The following ADARB2 variants were observed in gnomAD, a reference collection of about 807,000 sequenced individuals.
The protein encoded by ADARB2 is adenosine deaminase RNA specific B2 (inactive).
ADARB2 carries 25 observed loss-of-function variants against 62.2 expected under a neutral mutation model. The ratio of observed to expected loss-of-function variants is 0.40; its 90% confidence interval spans 0.29 to 0.56. The LOEUF is 0.56. Ranked by LOEUF, ADARB2 falls within the 20% of genes least tolerant of loss-of-function variation. The pLI is 0.43. For synonymous variants in ADARB2, 572 were observed against 500.8 expected, an observed-to-expected ratio of 1.14 and a Z score of -1.90; for missense variants, 1,071 against 1,077.4, an observed-to-expected ratio of 0.99 and a Z score of 0.08.
chr10:1,546,362 C>T (rs1026161086), intron 1 of ADARB2, among the ~76,000 whole-genome samples: 10 of 152,180 alleles, frequency 6.6e-5, no homozygotes, highest in South Asian at 2.1e-4. Flanking sequence ...ACTTACAGAC[C>T]GGCCTCCACG....
At chr10:1,191,002 G>T (rs746410987) in intron 8 of ADARB2, among the ~76,000 whole-genome samples, 8 of 150,636 alleles carry the variant, frequency 5.3e-5, no homozygotes, top group Non-Finnish European at 8.8e-5. Context: ...CAGAACAGGG[G>T]TTTGCACGCT....
chr10:1,709,200 C>G (rs148482800), intron 1 of ADARB2, among the ~76,000 whole-genome samples: 15 of 152,302 alleles, frequency 9.8e-5, no homozygotes, highest in African/African-American at 3.1e-4. Context: ...AGTGTTTGTG[C>G]TAAGTCTCTT....
At position 1,363,126 on chromosome 10, in the gene ADARB2, C is replaced by T; in HGVS notation, c.979G>A (p.Ala327Thr). The T allele has an allele frequency of 6.5e-7, 1 of 1,545,766 alleles. No homozygotes were observed. The highest frequency in any genetic ancestry group is 8.7e-7 in the Non-Finnish European group (1 of 1,155,210). The change falls in exon 3 of 10, where the codon GCC becomes ACC. Residue 327 changes from alanine to threonine, a missense_variant. Physicochemically the swap from Ala to Thr is moderately conservative, Grantham distance 58. Transcript: ENST00000381312. ...GCGGCCTGCGCGGCCTGACCCCGGG[C>T]CAGCTTCTTGCTGCGCCCCGAGCCC... ...FEGSGRSKKL[A>T]RGQAAQAALQ...
chr10:1,585,966 G>A (rs2676195), intron 1 of ADARB2, among the ~76,000 whole-genome samples: 150,138 of 152,136 alleles, frequency 0.99, 74,108 homozygotes, highest in Middle Eastern at 1. Context: ...CCTGGGAGGC[G>A]GAGCTTGCAG....
intron 8 of ADARB2, among the ~76,000 whole-genome samples, chr10:1,193,660 G>C (rs1156427214): frequency 6.6e-6 from 1 of 152,194 alleles, no homozygotes; most frequent in Non-Finnish European, 1.5e-5. Context: ...GTTAGACTCT[G>C]TCAGTGTTTG....
intron 1 of ADARB2, among the ~76,000 whole-genome samples, chr10:1,585,566 C>T (rs533223901): frequency 7.2e-5 from 11 of 152,294 alleles, no homozygotes; most frequent in Admixed American, 3.9e-4. Context: ...CCAAGGCTTA[C>T]GTGATGATTC....
At chr10:1,580,826 T>C (rs1833088374) in intron 1 of ADARB2, among the ~76,000 whole-genome samples, 1 of 152,252 alleles carries the variant, frequency 6.6e-6, no homozygotes, top group South Asian at 2.1e-4. Context: ...TTTCAGAATA[T>C]ACACCTTATA....
At chr10:1,209,440 C>G (rs1837115738) in intron 7 of ADARB2, among the ~76,000 whole-genome samples, 1 of 149,724 alleles carries the variant, frequency 6.7e-6, no homozygotes, top group Non-Finnish European at 1.5e-5. Flanking sequence ...CCCACACCTA[C>G]AGCCTGGCCC....
intron 1 of ADARB2, among the ~76,000 whole-genome samples, chr10:1,517,866 G>C (rs967133415): frequency 2.0e-5 from 3 of 152,164 alleles, no homozygotes; most frequent in African/African-American, 7.2e-5. Flanking sequence ...TAGGCACTCT[G>C]TGAGGAAAGG....
At position 1,262,834 on chromosome 10, in the gene ADARB2, AT is replaced by A. The variant is rs527559420; in HGVS notation, c.1192+8120del. On this transcript the variant is annotated intron_variant, in intron 4 of 9. Transcript: ENST00000381312. ...CTGCTGTAAAGACATATGCACACATATGTTTATTTTGGCACTATTCACAATA... is the reference window on the plus strand; with the variant it reads ...CTGCTGTAAAGACATATGCACACATAGTTTATTTTGGCACTATTCACAATA... Among the ~76,000 whole-genome samples the A allele has an allele frequency of 3.3e-5, 5 of 152,292 alleles. No individual in the cohort carries two copies. The South Asian group carries it at 1.0e-3, about 32-fold the overall frequency.
chr10:1,510,029 CTT>C (rs1831902133), intron 1 of ADARB2, among the ~76,000 whole-genome samples: 1 of 113,296 alleles, frequency 8.8e-6, no homozygotes, highest in Non-Finnish European at 2.2e-5. Flanking sequence ...TCTTTTTTCT[CTT>C]TCTTTCTTTT....
At position 1,634,478 on chromosome 10, in the gene ADARB2, G is replaced by A. The variant is rs1057014407; in HGVS notation, c.100+102573C>T. ...GAGGAGGGGCGGCCGGCTGGCCCTG[G>A]GCTCTGGAAGCTCCTTCCTCCAGGC... is the stretch of plus-strand genomic sequence containing the variant. On this transcript the variant is annotated intron_variant, in intron 1 of 9. Transcript: ENST00000381312. 7.2e-5 allele frequency among the ~76,000 whole-genome samples: 11 copies of A among 152,248 alleles called. No homozygotes were observed. The East Asian group carries it at 1.5e-3, about 21-fold the overall frequency.
chr10:1,544,516 G>A (rs151049151), intron 1 of ADARB2, among the ~76,000 whole-genome samples: 125 of 152,280 alleles, frequency 8.2e-4, no homozygotes, highest in Admixed American at 1.9e-3. Context: ...AGCCAGAGTC[G>A]TCACGGCAGG....
intron 1 of ADARB2, among the ~76,000 whole-genome samples, chr10:1,672,569 A>G (rs990180018): frequency 5.3e-5 from 8 of 149,686 alleles, no homozygotes; most frequent in Admixed American, 4.6e-4. Context: ...GCCTCCCCCC[A>G]TGCACGCGCT....
intron 1 of ADARB2, among the ~76,000 whole-genome samples, chr10:1,603,549 TGA>T (rs1286975026): frequency 6.6e-6 from 1 of 152,090 alleles, no homozygotes; most frequent in Non-Finnish European, 1.5e-5. Context: ...AAGGAAGGCC[TGA>T]GTGTCACCGA....
chr10:1,279,102 CA>C (rs2131803996), intron 3 of ADARB2, among the ~76,000 whole-genome samples: 1 of 152,258 alleles, frequency 6.6e-6, no homozygotes, highest in South Asian at 2.1e-4. Context: ...AAAAGAATAC[CA>C]TAGACTAGGC....
chr10:1,243,363 A>G (rs1830945938), intron 4 of ADARB2, among the ~76,000 whole-genome samples: 1 of 152,222 alleles, frequency 6.6e-6, no homozygotes, highest in Non-Finnish European at 1.5e-5. Flanking sequence ...TGACACACAA[A>G]TTAATGTCAC....
chr10:1,322,136 G>T (rs2244699), intron 3 of ADARB2, among the ~76,000 whole-genome samples: 21,799 of 152,072 alleles, frequency 0.14, 3,241 homozygotes, highest in African/African-American at 0.38. Flanking sequence ...CAACATTCCT[G>T]GCTGTGTTTT....
intron 3 of ADARB2, among the ~76,000 whole-genome samples, chr10:1,304,213 A>G (rs1255179881): frequency 1.3e-5 from 2 of 152,194 alleles, no homozygotes; most frequent in South Asian, 2.1e-4. Flanking sequence ...AAAAAAGGCA[A>G]GGGTTGCAAT....
Sources: gnomAD v4.1 joint callset for allele counts (sites outside exome capture counted in the v4.1 genomes callset) on GRCh38, gnomAD v4.1.1 for gene constraint, MANE v1.5 for transcripts, NCBI Gene and HGNC (gene_info 2026-07-23, HGNC 2026-07-21) for gene names.